MAD1L1: variants seen among roughly 807,000 people sequenced by gnomAD.
The protein encoded by MAD1L1 is mitotic spindle assembly checkpoint protein MAD1.
In MAD1L1, 95 loss-of-function variants were observed where a neutral mutation model predicts 96.9. The observed-to-expected ratio is 0.98, with a 90% CI of 0.83 to 1.16. The LOEUF is 1.16. MAD1L1 is among the 50% of genes most tolerant of loss of function. The pLI is 0.00. For missense variants in MAD1L1, 1,007 were observed against 954.4 expected (o/e 1.06, Z -0.73); for synonymous variants, 473 against 396.6 (o/e 1.19, Z -2.29).
intron 18 of MAD1L1, among the ~76,000 whole-genome samples, chr7:1,853,492 C>T (rs531808433): frequency 2.6e-5 from 4 of 152,308 alleles, no homozygotes; most frequent in African/African-American, 4.8e-5. Flanking sequence ...TGACAGCAGA[C>T]GCTTAGCACC....
At chr7:1,996,308 T>TC (rs142579236) in intron 14 of MAD1L1, among the ~76,000 whole-genome samples, 920 of 16,142 alleles carry the variant, frequency 0.057, 215 homozygotes, top group Admixed American at 0.15. Flanking sequence ...GCGGGCAGGG[T>TC]CCCCCCGGGT....
At chr7:2,229,838 G>A (rs1794102522) in intron 3 of MAD1L1, 146 bp downstream of exon 3, 3 of 849,480 alleles carry the variant, frequency 3.5e-6, no homozygotes, top group Non-Finnish European at 5.3e-6. Flanking sequence ...AAAATGAGGA[G>A]TGCCCATAGT....
intron 10 of MAD1L1, among the ~76,000 whole-genome samples, chr7:2,159,419 G>T (rs1187370062): frequency 2.6e-5 from 4 of 152,126 alleles, no homozygotes; most frequent in African/African-American, 9.7e-5. Flanking sequence ...GTCTTCAATG[G>T]AATGTCACCT....
chr7:1,827,239 A>T (rs1402212273), intron 18 of MAD1L1, among the ~76,000 whole-genome samples: 1 of 152,248 alleles, frequency 6.6e-6, no homozygotes, highest in Admixed American at 6.5e-5. Flanking sequence ...GGGTTAAAAG[A>T]CAGGGACTGG....
chr7:1,958,579 G>GA (rs1405909313), intron 15 of MAD1L1, among the ~76,000 whole-genome samples: 1 of 152,110 alleles, frequency 6.6e-6, no homozygotes, highest in Non-Finnish European at 1.5e-5. Flanking sequence ...CTGCATCTCT[G>GA]AAAAAAGATC....
intron 18 of MAD1L1, among the ~76,000 whole-genome samples, chr7:1,863,200 C>T (rs932447777): frequency 2.6e-5 from 4 of 152,278 alleles, no homozygotes; most frequent in Non-Finnish European, 4.4e-5. Context: ...CTCACTCCTT[C>T]GGCCTCCGAA....
At position 2,069,293 on chromosome 7, in the gene MAD1L1, G is replaced by A; in HGVS notation, c.1119C>T (p.Leu373=). The change falls in exon 12 of 19, where the codon CTC becomes CTT. Residue 373 remains leucine, a synonymous_variant. Transcript: ENST00000265854. ...EKARQQLQEE[L]RQVSGQLLEE... is the part of the protein sequence containing the mutation. ...CCAACAGCTGGCCGCTGACCTGCCG[G>A]AGCTCCTCCTGCAGCTGCTGCCTGG... is the stretch of plus-strand genomic sequence containing the variant. 1 of 1,609,600 alleles carries A rather than the reference G, an allele frequency of 6.2e-7. No homozygotes were observed. Among genetic ancestry groups the A allele is most frequent in the Non-Finnish European group, 8.5e-7 (1 of 1,179,208 alleles).
chr7:1,980,167 G>A (rs1358927803), intron 15 of MAD1L1, among the ~76,000 whole-genome samples: 1 of 152,156 alleles, frequency 6.6e-6, no homozygotes, highest in Non-Finnish European at 1.5e-5. Flanking sequence ...CTCTGGAAAG[G>A]GCACACCTGA....
chr7:2,117,519 A>G (rs1437943488), intron 11 of MAD1L1, among the ~76,000 whole-genome samples: 1 of 152,218 alleles, frequency 6.6e-6, no homozygotes, highest in Non-Finnish European at 1.5e-5. Context: ...TGAGTGAATC[A>G]CAGGGGCAGT....
At chr7:2,053,007 G>GTGCCGCCTCCAGTGCC (rs978445710) in intron 12 of MAD1L1, among the ~76,000 whole-genome samples, 5 of 152,176 alleles carry the variant, frequency 3.3e-5, no homozygotes, top group African/African-American at 1.2e-4. Context: ...GAACGGGTGG[G>GTGCCGCCTCCAGTGCC]TGCCGCCTCC....
intron 18 of MAD1L1, among the ~76,000 whole-genome samples, chr7:1,841,295 G>A (rs1055429201): frequency 6.6e-6 from 1 of 152,246 alleles, no homozygotes; most frequent in Admixed American, 6.5e-5. Flanking sequence ...ACAGCTCTTG[G>A]CTCCGCGTCT....
intron 10 of MAD1L1, among the ~76,000 whole-genome samples, chr7:2,166,904 C>A (rs571251558): frequency 6.6e-6 from 1 of 152,204 alleles, no homozygotes; most frequent in African/African-American, 2.4e-5. Flanking sequence ...CACACCTGGG[C>A]GGCGCACTCC....
intron 18 of MAD1L1, among the ~76,000 whole-genome samples, chr7:1,860,905 C>G (rs1205622264): frequency 1.3e-5 from 2 of 152,228 alleles, no homozygotes; most frequent in African/African-American, 4.8e-5. Context: ...CAGCTCATGG[C>G]AGACAGGCCG....
At chr7:1,945,311 A>G (rs1469848012) in intron 16 of MAD1L1, among the ~76,000 whole-genome samples, 1 of 152,262 alleles carries the variant, frequency 6.6e-6, no homozygotes, top group Non-Finnish European at 1.5e-5. Context: ...ACCGAGGACT[A>G]TCCCGGCACA....
chr7:1,864,317 T>G (rs770750783), intron 18 of MAD1L1, among the ~76,000 whole-genome samples: 2 of 152,082 alleles, frequency 1.3e-5, no homozygotes, highest in Admixed American at 1.3e-4. Flanking sequence ...ACTGGCTCCC[T>G]GCAGGGCAGA....
intron 14 of MAD1L1, among the ~76,000 whole-genome samples, chr7:1,993,804 A>G (rs572312327): frequency 1.6e-4 from 24 of 152,374 alleles, no homozygotes; most frequent in African/African-American, 5.8e-4. Context: ...GAAAGGGGAC[A>G]GAGGGAAGAT....
intron 3 of MAD1L1, among the ~76,000 whole-genome samples, chr7:2,227,929 G>A (rs1385723118): frequency 1.3e-5 from 2 of 152,156 alleles, no homozygotes; most frequent in Non-Finnish European, 2.9e-5. Context: ...TTACCCTTAC[G>A]TTAAATCAAC....
chr7:2,008,542 C>T (rs1021409749), intron 13 of MAD1L1, among the ~76,000 whole-genome samples: 6 of 152,198 alleles, frequency 3.9e-5, no homozygotes, highest in African/African-American at 1.2e-4. Context: ...TGTTCTGATG[C>T]GGAGATGGTG....
chr7:1,829,489 A>G (rs1008993465), intron 18 of MAD1L1: 14 of 152,290 alleles, frequency 9.2e-5, no homozygotes, highest in African/African-American at 3.4e-4. Flanking sequence ...CAGCAGAGCC[A>G]AGAGGACTGT....
Sources: gnomAD v4.1 joint callset for allele counts (sites outside exome capture counted in the v4.1 genomes callset) on GRCh38, gnomAD v4.1.1 for gene constraint, MANE v1.5 for transcripts, NCBI Gene and HGNC (gene_info 2026-07-23, HGNC 2026-07-21) for gene names.